DPP6: variants seen among roughly 807,000 people sequenced by gnomAD.
DPP6 encodes dipeptidyl peptidase like 6.
A neutral mutation model predicts 122.6 loss-of-function variants in DPP6; 69 were observed. The ratio of observed to expected loss-of-function variants is 0.56; its 90% CI spans 0.46 to 0.69. DPP6 has a LOEUF of 0.69. Among genes scored for constraint, DPP6 ranks in the 30% least tolerant of loss-of-function variants. DPP6 has a pLI of 0.00. For synonymous variants in DPP6, 418 were observed against 433.1 expected, an observed-to-expected ratio of 0.97 and a Z score of 0.43; for missense variants, 928 against 1,116.9, an observed-to-expected ratio of 0.83 and a Z score of 2.41.
intron 2 of DPP6, among the ~76,000 whole-genome samples, chr7:154,468,693 T>C (rs1563719519): frequency 6.6e-6 from 1 of 152,220 alleles, no homozygotes; most frequent in East Asian, 1.9e-4. Flanking sequence ...ATTTAGAAGC[T>C]TAAAATAAAG....
At chr7:153,951,640 ATTAT>A (rs1163372450) in intron 1 of DPP6, among the ~76,000 whole-genome samples, 16 of 152,120 alleles carry the variant, frequency 1.1e-4, no homozygotes, top group Admixed American at 1.0e-3. Context: ...GCGTGGTGAG[ATTAT>A]TTTATTTTAT....
intron 1 of DPP6, among the ~76,000 whole-genome samples, chr7:154,067,460 A>G (rs539936555): frequency 2.0e-5 from 3 of 151,984 alleles, no homozygotes; most frequent in Non-Finnish European, 4.4e-5. Flanking sequence ...CATGGTTATC[A>G]GAGAAGCAGC....
At chr7:153,988,849 A>C (rs973528125) in intron 1 of DPP6, among the ~76,000 whole-genome samples, 1 of 151,376 alleles carries the variant, frequency 6.6e-6, no homozygotes, top group Non-Finnish European at 1.5e-5. Context: ...TTGCTTTCCC[A>C]AGACTTAAAA....
intron 1 of DPP6, among the ~76,000 whole-genome samples, chr7:153,893,447 T>G (rs1799289036): frequency 6.6e-6 from 1 of 152,262 alleles, no homozygotes; most frequent in Non-Finnish European, 1.5e-5. Context: ...ATGAATTCGT[T>G]AAATGAATGG....
intron 1 of DPP6, among the ~76,000 whole-genome samples, chr7:154,256,998 C>CTTTTTTTTTTTT (rs66710949): frequency 1.5e-5 from 2 of 132,858 alleles, no homozygotes; most frequent in Non-Finnish European, 3.2e-5. Flanking sequence ...TCTTCTTCTT[C>CTTTTTTTTTTTT]TTTTTTTTTT....
chr7:154,061,177 G>T (rs549578953), intron 1 of DPP6, among the ~76,000 whole-genome samples: 29 of 148,660 alleles, frequency 2.0e-4, no homozygotes, highest in African/African-American at 6.1e-4. Flanking sequence ...TGTAGACTGT[G>T]GATCCCAAAC....
At chr7:153,773,002 G>A in the DPP6 span, among the ~76,000 whole-genome samples, 3 of 105,994 alleles carry the variant, frequency 2.8e-5, no homozygotes, top group Non-Finnish European at 6.7e-5. Context: ...ATATATAAAA[G>A]AAAAGACATA....
chr7:154,077,936 C>A (rs1363907220), intron 1 of DPP6, among the ~76,000 whole-genome samples: 1 of 151,976 alleles, frequency 6.6e-6, no homozygotes, highest in East Asian at 1.9e-4. Flanking sequence ...CCCAAAGTGT[C>A]GGGATTACAG....
intron 8 of DPP6, among the ~76,000 whole-genome samples, chr7:154,765,965 AAATGTTTGCAG>A (rs1455573609): frequency 6.6e-6 from 1 of 152,236 alleles, no homozygotes; most frequent in East Asian, 1.9e-4. Flanking sequence ...TCCTGCAGAA[AAATGTTTGCAG>A]AATAGGGACA....
intron 1 of DPP6, among the ~76,000 whole-genome samples, chr7:154,114,773 G>A (rs539420890): frequency 1.0e-3 from 157 of 152,284 alleles, no homozygotes; most frequent in Non-Finnish European, 1.9e-3. Context: ...GTTCCAACCT[G>A]CACCCAGGAG....
chr7:153,775,462 G>A, the DPP6 span, among the ~76,000 whole-genome samples: 19 of 151,526 alleles, frequency 1.3e-4, no homozygotes, highest in Admixed American at 9.2e-4. Flanking sequence ...TGAAAACTGA[G>A]TGGTTAATCC....
chr7:153,917,019 A>C (rs1246578659), intron 1 of DPP6, among the ~76,000 whole-genome samples: 1 of 152,180 alleles, frequency 6.6e-6, no homozygotes, highest in Non-Finnish European at 1.5e-5. Context: ...ACACTCGCAC[A>C]CTCATATGGA....
chr7:153,933,286 A>G (rs1023119119), intron 1 of DPP6, among the ~76,000 whole-genome samples: 4 of 152,114 alleles, frequency 2.6e-5, no homozygotes, highest in African/African-American at 9.7e-5. Context: ...ATGAAAATTT[A>G]TATTAAATTT....
intron 1 of DPP6, among the ~76,000 whole-genome samples, chr7:154,359,804 T>A (rs556040167): frequency 6.6e-6 from 1 of 152,314 alleles, no homozygotes; most frequent in Non-Finnish European, 1.5e-5. Context: ...TGAGAGGCAG[T>A]CAGATAGTCA....
chr7:154,767,050 G>A (rs1350213981), intron 8 of DPP6, among the ~76,000 whole-genome samples: 1 of 152,196 alleles, frequency 6.6e-6, no homozygotes, highest in South Asian at 2.1e-4. Context: ...GAAATGAGTT[G>A]TCTCTTCGGG....
chr7:154,691,248 T>C (rs1051344893), intron 7 of DPP6, among the ~76,000 whole-genome samples: 2 of 152,190 alleles, frequency 1.3e-5, no homozygotes, highest in Non-Finnish European at 2.9e-5. Context: ...TGCTCTGTTT[T>C]CAATTCTCTC....
At chr7:153,765,577 AG>A in the DPP6 span, among the ~76,000 whole-genome samples, 1 of 151,642 alleles carries the variant, frequency 6.6e-6, no homozygotes, top group African/African-American at 2.4e-5. Flanking sequence ...AAAAACACCT[AG>A]GTAGTTGATG....
intron 1 of DPP6, among the ~76,000 whole-genome samples, chr7:153,975,547 TA>T (rs1459810439): frequency 1.4e-5 from 2 of 144,728 alleles, no homozygotes; most frequent in African/African-American, 2.7e-5. Flanking sequence ...GTATATTTTC[TA>T]AAAAAAAAAA....
intron 25 of DPP6, 117 bp from the exon 26 acceptor site, chr7:154,892,217 A>G (rs1355434095): frequency 3.6e-6 from 5 of 1,374,158 alleles, no homozygotes; most frequent in Non-Finnish European, 4.0e-6. Flanking sequence ...CACTTCATCA[A>G]CTACAATCCA....
Sources: allele counts gnomAD v4.1 joint callset (sites outside exome capture counted in the v4.1 genomes callset), GRCh38; gene constraint gnomAD v4.1.1; transcripts MANE v1.5; gene names NCBI Gene and HGNC (gene_info 2026-07-23, HGNC 2026-07-21).